RIC1: variants seen among roughly 807,000 people sequenced by gnomAD.
The protein encoded by RIC1 is RIC1 partner of RAB6A GEF complex.
A neutral mutation model predicts 169.0 loss-of-function variants in RIC1; 88 were observed. That is an observed-to-expected ratio of 0.52 (90% CI 0.44 to 0.62). The LOEUF (loss-of-function observed/expected upper bound fraction) is 0.62, where lower values mean the gene tolerates loss of function less well. Ranked by LOEUF, RIC1 falls within the 20% of genes least tolerant of loss-of-function variation. The probability of loss-of-function intolerance (pLI) is 0.00; values close to 1 mark genes in which losing one functional copy is unlikely to be tolerated. For synonymous variants in RIC1, 790 were observed against 601.5 expected (o/e 1.31, Z -4.59); for missense variants, 1,877 against 1,725.5 (o/e 1.09, Z -1.56).
At chr9:5,643,079 C>G (rs1254532640) in intron 1 of RIC1, among the ~76,000 whole-genome samples, 1 of 152,012 alleles carries the variant, frequency 6.6e-6, no homozygotes, top group Non-Finnish European at 1.5e-5. Flanking sequence ...GTGGGAGGAT[C>G]ACTTGAGCCC....
At chr9:5,738,150 A>AT (rs1360272939) in intron 7 of RIC1, among the ~76,000 whole-genome samples, 3 of 152,152 alleles carry the variant, frequency 2.0e-5, no homozygotes, top group Admixed American at 6.5e-5. Flanking sequence ...ATAAAAGTTC[A>AT]TTTTTTTCCT....
At chr9:5,713,091 G>C (rs183202774) in intron 3 of RIC1, 13 of 152,276 alleles carry the variant, frequency 8.5e-5, no homozygotes, top group Admixed American at 7.8e-4. Flanking sequence ...TATTTTAATA[G>C]TATCGACAAA....
At position 5,637,441 on chromosome 9, in the gene RIC1, G is replaced by C. The variant is rs547889595; in HGVS notation, c.144+7988G>C. Among the ~76,000 whole-genome samples the C allele has an allele frequency of 2.6e-5, 4 of 152,236 alleles. No individual in the cohort carries two copies. The East Asian group carries it at 5.8e-4, about 22-fold the overall frequency. ...AAAAATAGGGTATTCATCCCCTCAA[G>C]CATTTAACCTTCATGTTCCAAACAA... is the stretch of plus-strand genomic sequence containing the variant. On this transcript the variant is annotated intron_variant, in intron 1 of 25. Transcript: ENST00000414202.
intron 1 of RIC1, among the ~76,000 whole-genome samples, chr9:5,650,119 T>A (rs1818720461): frequency 6.6e-6 from 1 of 151,992 alleles, no homozygotes; most frequent in Non-Finnish European, 1.5e-5. Flanking sequence ...TACACAGGCA[T>A]GGTGTTAGCA....
rs1437807296 is a variant in RIC1 at position 5,774,892 on chromosome 9, G to A, written c.*646G>A. The A allele has an allele frequency of 6.6e-6, 1 of 152,180 alleles. No individual in the cohort carries two copies. The highest frequency in any genetic ancestry group is 1.5e-5 in the Non-Finnish European group (1 of 68,036). The allele number at this position is 152,180 out of a possible 1,614,324, so 9.4% of individuals were successfully genotyped here. ...TTCCCATTAGACCAATGTGGGCAGA[G>A]GTCTGAGGGGGTTCTTCTCAATTTT... On this transcript the variant is annotated 3_prime_UTR_variant, in exon 26 of 26. Transcript: ENST00000414202.
intron 6 of RIC1, among the ~76,000 whole-genome samples, chr9:5,721,479 G>C (rs567031494): frequency 1.3e-5 from 2 of 152,298 alleles, no homozygotes; most frequent in Admixed American, 6.5e-5. Context: ...AGAGCCCCAG[G>C]GTCCTACCCG....
chr9:5,637,079 G>A (rs1266423129), intron 1 of RIC1, among the ~76,000 whole-genome samples: 1 of 152,038 alleles, frequency 6.6e-6, no homozygotes, highest in East Asian at 1.9e-4. Context: ...TTGTTTTTGA[G>A]ACAGGGTTTC....
chr9:5,631,496 G>A (rs542590852), intron 1 of RIC1, among the ~76,000 whole-genome samples: 2 of 152,084 alleles, frequency 1.3e-5, no homozygotes, highest in East Asian at 3.9e-4. Flanking sequence ...GACCATCCTG[G>A]CCAACATGGT....
At chr9:5,764,340 T>C (rs1376565785) in intron 19 of RIC1, among the ~76,000 whole-genome samples, 1 of 152,204 alleles carries the variant, frequency 6.6e-6, no homozygotes, top group East Asian at 1.9e-4. Flanking sequence ...ACAGAGCACC[T>C]TGAGCTAGTC....
At chr9:5,666,159 G>A (rs1008672004) in intron 2 of RIC1, among the ~76,000 whole-genome samples, 5 of 152,194 alleles carry the variant, frequency 3.3e-5, no homozygotes, top group African/African-American at 1.2e-4. Context: ...TACCCCATGA[G>A]GAGGAGTGGA....
At chr9:5,754,774 A>G (rs539150222) in intron 14 of RIC1, 67 bp from the exon 15 acceptor site, 2 of 923,484 alleles carry the variant, frequency 2.2e-6, no homozygotes, top group Non-Finnish European at 1.6e-6. Flanking sequence ...GAATTTTTAT[A>G]AATATATTAC....
intron 1 of RIC1, among the ~76,000 whole-genome samples, chr9:5,644,081 T>C (rs1480082980): frequency 6.6e-6 from 1 of 151,338 alleles, no homozygotes; most frequent in Non-Finnish European, 1.5e-5. Context: ...TTTAAATTTT[T>C]AAGAGCTTTG....
rs190954488 is a variant in RIC1 at position 5,640,506 on chromosome 9, C to T, written c.144+11053C>T. ...AAGTTGTCGTTATTCTTTATTGGTT[C>T]GTTTCATCAGTCTTTCTACTTAAGA... On this transcript the variant is annotated intron_variant, in intron 1 of 25. Transcript: ENST00000414202. Among the ~76,000 whole-genome samples, 10 of 152,156 alleles carry T rather than the reference C, an allele frequency of 6.6e-5. No individual in the cohort carries two copies. The East Asian group carries it at 1.7e-3, about 26-fold the overall frequency.
At chr9:5,714,754 AAGAG>A (rs1456265842) in intron 4 of RIC1, among the ~76,000 whole-genome samples, 1 of 152,190 alleles carries the variant, frequency 6.6e-6, no homozygotes, top group African/African-American at 2.4e-5. Flanking sequence ...TCTTGTTTAA[AAGAG>A]AGAGCATGTA....
chr9:5,738,565 TTAACA>T, intron 8 of RIC1, 27 bp downstream of exon 8: 1 of 1,262,842 alleles, frequency 7.9e-7, no homozygotes. Context: ...TTTTTTTTTT[TTAACA>T]TTTTTAATGT....
At chr9:5,633,054 G>C (rs1489603042) in intron 1 of RIC1, among the ~76,000 whole-genome samples, 1 of 152,166 alleles carries the variant, frequency 6.6e-6, no homozygotes, top group East Asian at 1.9e-4. Context: ...TAAATCTTGT[G>C]AGATATCACT....
At chr9:5,654,297 A>G (rs1563871747) in intron 1 of RIC1, among the ~76,000 whole-genome samples, 1 of 151,914 alleles carries the variant, frequency 6.6e-6, no homozygotes, top group Non-Finnish European at 1.5e-5. Context: ...CCCAGGCTGG[A>G]GTGCAATGGT....
chr9:5,694,906 A>C (rs1821799617), intron 3 of RIC1, among the ~76,000 whole-genome samples: 1 of 151,964 alleles, frequency 6.6e-6, no homozygotes, highest in Admixed American at 6.6e-5. Flanking sequence ...AAAAGTATTG[A>C]ATTTTGTCCA....
intron 3 of RIC1, among the ~76,000 whole-genome samples, chr9:5,711,967 G>C (rs1415425952): frequency 1.3e-5 from 2 of 152,094 alleles, no homozygotes; most frequent in Admixed American, 6.5e-5. Context: ...TCTTAATCCA[G>C]TCTATCATTG....
Sources: allele counts gnomAD v4.1 joint callset (sites outside exome capture counted in the v4.1 genomes callset), GRCh38; gene constraint gnomAD v4.1.1; transcripts MANE v1.5; gene names NCBI Gene and HGNC (gene_info 2026-07-23, HGNC 2026-07-21).